G2E3: variants seen among roughly 807,000 people sequenced by gnomAD.
G2E3 encodes G2/M phase-specific E3 ubiquitin-protein ligase.
Under a neutral mutation model 92.8 loss-of-function variants are expected in G2E3, and 35 were observed. That is an observed-to-expected ratio of 0.38 (90% CI 0.29 to 0.50). The LOEUF (loss-of-function observed/expected upper bound fraction) is 0.50, where lower values mean the gene tolerates loss of function less well. G2E3 is among the 20% of genes least tolerant of loss of function. The pLI is 0.94. For missense variants in G2E3, 554 were observed against 823.8 expected (o/e 0.67, Z 4.01); for synonymous variants, 242 against 272.4 (o/e 0.89, Z 1.10).
chr14:30,592,598 A>G (rs1297806988), intron 5 of G2E3, 151 bp downstream of exon 5: 7 of 446,268 alleles, frequency 1.6e-5, no homozygotes, highest in African/African-American at 4.9e-5. Flanking sequence ...GCCCACCCTT[A>G]TGGGGTCATT....
chr14:30,598,431 C>T (rs1881394880), intron 7 of G2E3, 52 bp from the exon 8 acceptor site: 1 of 1,140,462 alleles, frequency 8.8e-7, no homozygotes, highest in Non-Finnish European at 1.3e-6. Flanking sequence ...TCCTGATCCT[C>T]TTATGTAACA....
At chr14:30,585,622 G>T in intron 2 of G2E3, among the ~76,000 whole-genome samples, 1 of 147,580 alleles carries the variant, frequency 6.8e-6, no homozygotes, top group African/African-American at 2.5e-5. Flanking sequence ...AGGTTTATCA[G>T]TTTTGTTGAT....
At chr14:30,603,730 AGCTAG>A (rs1881691862) in intron 10 of G2E3, among the ~76,000 whole-genome samples, 1 of 152,174 alleles carries the variant, frequency 6.6e-6, no homozygotes, top group African/African-American at 2.4e-5. Flanking sequence ...CTGTAGTCCT[AGCTAG>A]GCAAGAGGCT....
intron 8 of G2E3, among the ~76,000 whole-genome samples, chr14:30,600,297 G>A (rs190220451): frequency 6.6e-6 from 1 of 152,210 alleles, no homozygotes; most frequent in African/African-American, 2.4e-5. Context: ...TCCCTACTCT[G>A]GGCTAGGGGT....
intron 1 of G2E3, among the ~76,000 whole-genome samples, chr14:30,572,901 A>G (rs1389766394): frequency 6.6e-6 from 1 of 152,146 alleles, no homozygotes; most frequent in Non-Finnish European, 1.5e-5. Flanking sequence ...GGAAAGTCTA[A>G]ACTTCATACC....
rs988078160 is a variant in G2E3, at chr14:30,559,263, G to C, written c.-14G>C. The C allele has an allele frequency of 2.6e-5, 4 of 152,420 alleles. No individual in the cohort carries two copies. The highest frequency in any genetic ancestry group is 4.4e-5 in the Non-Finnish European group (3 of 68,178). 9.4% of individuals were successfully genotyped at this position (152,420 alleles called of 1,614,324 possible). ...ACTGAGGCTCTGGAACTTCTGCCCA[G>C]CTCTCCTTGGTGAGTAAATGGGGAA... is the stretch of plus-strand genomic sequence containing the variant. On this transcript the variant is annotated 5_prime_UTR_variant, in exon 1 of 15. Transcript: ENST00000206595.
At chr14:30,575,224 T>A (rs973927285) in intron 1 of G2E3, among the ~76,000 whole-genome samples, 1 of 152,216 alleles carries the variant, frequency 6.6e-6, no homozygotes, top group Admixed American at 6.5e-5. Flanking sequence ...ATATGTCTTC[T>A]TTTGAGAAGT....
chr14:30,574,410 T>TCTTTTTTTTTTAA (rs1300190897), intron 1 of G2E3: 1 of 151,804 alleles, frequency 6.6e-6, no homozygotes, highest in Admixed American at 6.6e-5. Context: ...ATACAGTTCA[T>TCTTTTTTTTTTAA]CTTTTTTTTT....
chr14:30,590,185 A>G (rs1191384465), intron 4 of G2E3, among the ~76,000 whole-genome samples: 1 of 152,188 alleles, frequency 6.6e-6, no homozygotes, highest in Non-Finnish European at 1.5e-5. Context: ...TGATACTGGC[A>G]TTAATGATTT....
At chr14:30,566,706 T>G (rs1253693485) in intron 1 of G2E3, among the ~76,000 whole-genome samples, 1 of 152,210 alleles carries the variant, frequency 6.6e-6, no homozygotes, top group African/African-American at 2.4e-5. Flanking sequence ...CTTGCTTTAT[T>G]ATTCTGAATA....
chr14:30,616,384 T>C lies in G2E3; in HGVS notation c.1971T>C (p.His657=). 1.2e-6 allele frequency: 2 copies of C among 1,612,964 alleles called. No individual in the cohort carries two copies. Among genetic ancestry groups the C allele is most frequent in the African/African-American group, 1.3e-5 (1 of 75,018 alleles). ...CCACTCCTTCAATTGAGTGTCTGCA[T>C]GTGGATTTTCCTGTTGGAAACAAGT... ...FKPTPSIECL[H]VDFPVGNKCN... Residue 657 remains histidine, a synonymous_variant, in exon 15 of 15, where the codon CAT becomes CAC. Coordinates refer to ENST00000206595, the MANE Select transcript of G2E3 (RefSeq NM_017769.5).
At chr14:30,592,497 G>GA in intron 5 of G2E3, 50 bp downstream of exon 5, 2 of 1,333,932 alleles carry the variant, frequency 1.5e-6, no homozygotes, top group Non-Finnish European at 2.1e-6. Context: ...AAGAATAGTG[G>GA]AAAATACATA....
At position 30,593,534 on chromosome 14, in the gene G2E3, CT is replaced by C; in HGVS notation, c.425del (p.Leu142TyrfsTer39). 6.4e-7 allele frequency: 1 copy of C among 1,566,416 alleles called. No individual in the cohort carries two copies. Among genetic ancestry groups the C allele is most frequent in the Non-Finnish European group, 8.8e-7 (1 of 1,137,368 alleles). The part of the protein sequence containing the change: ...IITSNNYRES[L>X]PCTICLEFIE... ...TTACATCTAATAATTATAGAGAGTC[CT>C]TACCATGCACCATTTGCTTGGAATT... On this transcript the variant is annotated frameshift_variant, in exon 6 of 15. Transcript: ENST00000206595. LOFTEE classifies it high-confidence loss of function.
Position 30,607,939 on chromosome 14 carries a change from T to G in G2E3, c.1370T>G (p.Leu457Ter). 1 of 1,610,134 alleles carries G rather than the reference T, an allele frequency of 6.2e-7. No homozygotes were observed. The highest frequency in any genetic ancestry group is 8.5e-7 in the Non-Finnish European group (1 of 1,177,864). ...GCTGGCAAAATGCTTGCCATTTCTT[T>G]AGTTCACGGTGGTCCTTCACCTGGT... ...YEAGKMLAISLVHGGPSPGFF... is the reference protein window; with the variant it reads ...YEAGKMLAIS Residue 457 changes from leucine (L) to a stop codon, truncating the protein, a stop_gained, in exon 12 of 15, where the codon TTA becomes TGA. Transcript: ENST00000206595. LOFTEE classifies it high-confidence loss of function.
intron 13 of G2E3, among the ~76,000 whole-genome samples, chr14:30,613,381 GTTACTA>G (rs1203394541): frequency 6.6e-6 from 1 of 152,102 alleles, no homozygotes; most frequent in Non-Finnish European, 1.5e-5. Context: ...AATCTTTATA[GTTACTA>G]TTACTACTGA....
intron 1 of G2E3, 63 bp from the exon 2 acceptor site, chr14:30,581,013 A>G: frequency 1.1e-6 from 1 of 886,878 alleles, no homozygotes; most frequent in South Asian, 1.4e-5. Flanking sequence ...ACTGCAAGTA[A>G]TAAAAGTTGT....
At chr14:30,579,854 A>G (rs1438234353) in intron 1 of G2E3, among the ~76,000 whole-genome samples, 2 of 152,196 alleles carry the variant, frequency 1.3e-5, no homozygotes, top group Admixed American at 1.3e-4. Flanking sequence ...TTCCACTTAA[A>G]TACCAAGAGA....
In G2E3 at chr14:30,599,236, T is replaced by G. The variant is rs183525153; in HGVS notation, c.752+637T>G. ...ACTGTAATTACCTCTTTTTTTTGTT[T>G]GTTTGTTTTGAGATGGAGTCTTGCT... is the stretch of plus-strand genomic sequence containing the variant. On this transcript the variant is annotated intron_variant, in intron 8 of 14. Coordinates refer to ENST00000206595, the MANE Select transcript of G2E3 (RefSeq NM_017769.5). Among the ~76,000 whole-genome samples, 253 of 152,190 alleles carry G rather than the reference T, an allele frequency of 1.7e-3. 1 individual carries two copies. Among genetic ancestry groups the G allele is most frequent in the African/African-American group, 5.8e-3 (241 of 41,506 alleles).
At chr14:30,608,111 A>G in intron 12 of G2E3, 42 bp downstream of exon 12, 1 of 1,155,816 alleles carries the variant, frequency 8.7e-7, no homozygotes, top group South Asian at 1.7e-5. Flanking sequence ...ACTACATTCT[A>G]GGTATCTTTT....
Sources: allele counts gnomAD v4.1 joint callset (sites outside exome capture counted in the v4.1 genomes callset), GRCh38; gene constraint gnomAD v4.1.1; transcripts MANE v1.5; gene names NCBI Gene and HGNC (gene_info 2026-07-23, HGNC 2026-07-21).